KIAA1328: variants seen among roughly 807,000 people sequenced by gnomAD.
The protein encoded by KIAA1328 is protein hinderin.
KIAA1328 carries 52 observed loss-of-function variants against 68.1 expected under a neutral mutation model. The observed-to-expected ratio is 0.76, with a 90% CI of 0.61 to 0.96. The LOEUF (loss-of-function observed/expected upper bound fraction) is 0.96, where lower values mean the gene tolerates loss of function less well. KIAA1328 is among the 40% of genes least tolerant of loss of function. The probability of loss-of-function intolerance (pLI) is 0.00; values close to 1 mark genes in which losing one functional copy is unlikely to be tolerated. For missense variants in KIAA1328, 641 were observed against 677.6 expected (o/e 0.95, Z 0.60); for synonymous variants, 232 against 239.4 (o/e 0.97, Z 0.28).
chr18:36,941,374 G>A (rs1357473067), intron 5 of KIAA1328, among the ~76,000 whole-genome samples: 1 of 151,914 alleles, frequency 6.6e-6, no homozygotes, highest in Non-Finnish European at 1.5e-5. Context: ...GTGGACTGCC[G>A]ACTTGAGATC....
chr18:36,893,466 TGTGTGTG>T (rs1472251836), intron 5 of KIAA1328, among the ~76,000 whole-genome samples: 4 of 30,918 alleles, frequency 1.3e-4, no homozygotes, highest in Non-Finnish European at 1.5e-4. Context: ...TGTGTGTTTT[TGTGTGTG>T]TGTGTGTGTG....
At chr18:37,159,667 G>A (rs768379318) in intron 7 of KIAA1328, among the ~76,000 whole-genome samples, 2 of 152,044 alleles carry the variant, frequency 1.3e-5, no homozygotes, top group South Asian at 2.1e-4. Flanking sequence ...TATTTGTCTT[G>A]TTGACCTTTT....
intron 4 of KIAA1328, among the ~76,000 whole-genome samples, chr18:36,854,700 A>G (rs2047326593): frequency 6.6e-6 from 1 of 152,136 alleles, no homozygotes. Flanking sequence ...ATCCATTTTA[A>G]GTACACAAGG....
rs1030168917 is a variant in KIAA1328, at chr18:37,117,956, A to T, written c.1233-42244A>T. The stretch of plus-strand genomic sequence containing the variant: ...ATTACTTATAGCTCTTATAGTCCCC[A>T]TCTCTGCAACTGGTCCCATGGCCAT... On this transcript the variant is annotated intron_variant, in intron 7 of 9. Coordinates refer to ENST00000280020, the MANE Select transcript of KIAA1328 (RefSeq NM_020776.3). Among the ~76,000 whole-genome samples the T allele has an allele frequency of 1.1e-4, 17 of 150,704 alleles. No individual in the cohort carries two copies. The East Asian group carries it at 3.1e-3, about 28-fold the overall frequency.
chr18:37,050,683 G>A (rs1054942179), intron 6 of KIAA1328, among the ~76,000 whole-genome samples: 1 of 152,084 alleles, frequency 6.6e-6, no homozygotes, highest in Non-Finnish European at 1.5e-5. Flanking sequence ...TCAACTTTCA[G>A]TTGTGTCTCT....
At position 37,224,994 on chromosome 18, in the gene KIAA1328, G is replaced by A. The variant is rs866963327; in HGVS notation, c.*2767G>A. ...AGTCCGCTTTCCAGGAGGCAAACTT[G>A]TGTTTATCCAAACCTGATCCCCATG... On this transcript the variant is annotated 3_prime_UTR_variant, in exon 10 of 10. Coordinates refer to ENST00000280020, the MANE Select transcript of KIAA1328 (RefSeq NM_020776.3). The A allele has an allele frequency of 5.5e-5, 54 of 985,338 alleles. No homozygotes were observed. In the Admixed American group the frequency reaches 3.1e-3, roughly 56 times the overall value. 61.0% of individuals were successfully genotyped at this position (985,338 alleles called of 1,614,324 possible).
chr18:37,159,758 A>G (rs2059236556), intron 7 of KIAA1328, among the ~76,000 whole-genome samples: 1 of 152,194 alleles, frequency 6.6e-6, no homozygotes, highest in Non-Finnish European at 1.5e-5. Context: ...GTACATAATA[A>G]ATACTAATAA....
rs2046597534 is a variant in KIAA1328, at chr18:36,834,303, C to T, written c.59-17C>T. 6.4e-7 allele frequency: 1 copy of T among 1,562,656 alleles called. No homozygotes were observed. The stretch of plus-strand genomic sequence containing the variant: ...CGGATAATATTATTGTATTTTCCTT[C>T]ATGTTCTCCTGCGTAGTTTCTGATG... On this transcript the variant is annotated splice_polypyrimidine_tract_variant and intron_variant, in intron 1 of 9. Transcript: ENST00000280020.
chr18:36,844,177 A>T, intron 3 of KIAA1328, 31 bp from the exon 4 acceptor site: 1 of 1,491,000 alleles, frequency 6.7e-7, no homozygotes, highest in Non-Finnish European at 9.1e-7. Flanking sequence ...TTGGTTTTAG[A>T]AAAAGTGTAA....
intron 6 of KIAA1328, among the ~76,000 whole-genome samples, chr18:37,065,289 A>C (rs2056303335): frequency 6.6e-6 from 1 of 152,170 alleles, no homozygotes; most frequent in African/African-American, 2.4e-5. Flanking sequence ...GGGAAGAGGA[A>C]GTGTTAGTGG....
intron 5 of KIAA1328, among the ~76,000 whole-genome samples, chr18:36,922,713 T>A (rs1298847673): frequency 6.6e-6 from 1 of 152,170 alleles, no homozygotes; most frequent in Non-Finnish European, 1.5e-5. Context: ...AATAAAAAAC[T>A]TTTTAACTCA....
intron 7 of KIAA1328, among the ~76,000 whole-genome samples, chr18:37,145,697 A>T (rs1029085918): frequency 3.3e-5 from 5 of 152,150 alleles, no homozygotes; most frequent in Non-Finnish European, 5.9e-5. Context: ...TTTTATCATG[A>T]TGAAATATTT....
At position 37,223,390 on chromosome 18, in the gene KIAA1328, G is replaced by C. The variant is rs1299513804; in HGVS notation, c.*1163G>C. 1 of 985,408 alleles carries C rather than the reference G, an allele frequency of 1.0e-6. No individual in the cohort carries two copies. The highest frequency in any genetic ancestry group is 1.1e-4 in the East Asian group (1 of 8,796). The allele number at this position is 985,408 out of a possible 1,614,324, so 61.0% of individuals were successfully genotyped here. ...TGTCTGCTGTCTTTTCTCCCACAGA[G>C]CTCTTGAGATGGGTCCTTCAGCTTG... On this transcript the variant is annotated 3_prime_UTR_variant, in exon 10 of 10. Transcript: ENST00000280020.
chr18:36,971,366 C>T (rs1452764394), intron 6 of KIAA1328, among the ~76,000 whole-genome samples: 4 of 152,094 alleles, frequency 2.6e-5, no homozygotes, highest in Non-Finnish European at 5.9e-5. Flanking sequence ...CTAGGTAATA[C>T]CATTCACGAC....
intron 5 of KIAA1328, among the ~76,000 whole-genome samples, chr18:36,925,343 G>A (rs544663301): frequency 1.3e-5 from 2 of 152,206 alleles, no homozygotes; most frequent in South Asian, 4.2e-4. Flanking sequence ...AAAGAAGAAG[G>A]GCTGAGCTGA....
intron 7 of KIAA1328, among the ~76,000 whole-genome samples, chr18:37,159,186 T>C (rs1321180522): frequency 6.6e-6 from 1 of 152,238 alleles, no homozygotes; most frequent in Non-Finnish European, 1.5e-5. Flanking sequence ...TAATAAATTA[T>C]GATATGAGCA....
chr18:36,921,966 C>T (rs902114132), intron 5 of KIAA1328, among the ~76,000 whole-genome samples: 2 of 151,596 alleles, frequency 1.3e-5, no homozygotes, highest in Non-Finnish European at 2.9e-5. Flanking sequence ...TCGCTCTTGT[C>T]CCCCAGGCCA....
chr18:36,987,554 T>A (rs1381005281), intron 6 of KIAA1328, among the ~76,000 whole-genome samples: 1 of 151,830 alleles, frequency 6.6e-6, no homozygotes, highest in African/African-American at 2.4e-5. Context: ...ATATACTGTA[T>A]AATTCTATTA....
chr18:36,830,032 G>T (rs1468944499), intron 1 of KIAA1328, among the ~76,000 whole-genome samples: 1 of 152,190 alleles, frequency 6.6e-6, no homozygotes, highest in Non-Finnish European at 1.5e-5. Context: ...CTTGAAAGAG[G>T]GACGGCAATC....
Sources: gnomAD v4.1 joint callset for allele counts (sites outside exome capture counted in the v4.1 genomes callset) on GRCh38, gnomAD v4.1.1 for gene constraint, MANE v1.5 for transcripts, NCBI Gene and HGNC (gene_info 2026-07-23, HGNC 2026-07-21) for gene names.